Variants in DEPDC5 observed in about 807,000 individuals in gnomAD.
DEPDC5 encodes GATOR1 complex protein DEPDC5.
Under a neutral mutation model 217.3 loss-of-function variants are expected in DEPDC5, and 73 were observed. The ratio of observed to expected loss-of-function variants is 0.34; its 90% confidence interval spans 0.28 to 0.41. The LOEUF (loss-of-function observed/expected upper bound fraction) is 0.41, where lower values mean the gene tolerates loss of function less well. DEPDC5 is among the 10% of genes least tolerant of loss of function. The probability of loss-of-function intolerance (pLI) is 1.00; values close to 1 mark genes in which losing one functional copy is unlikely to be tolerated. For missense variants in DEPDC5, 1,675 were observed against 2,070.1 expected (o/e 0.81, Z 3.70); for synonymous variants, 733 against 756.7 (o/e 0.97, Z 0.51).
chr22:31,791,988 T>TA (rs756019812), intron 10 of DEPDC5, 45 bp from the exon 11 acceptor site: 14 of 1,191,390 alleles, frequency 1.2e-5, no homozygotes, highest in Non-Finnish European at 1.6e-5. Flanking sequence ...CATAGTGAAG[T>TA]AAATGAAACA....
chr22:31,823,283 A>C (rs995338793), intron 24 of DEPDC5: 1 of 154,592 alleles, frequency 6.5e-6, no homozygotes, highest in Non-Finnish European at 1.4e-5. Context: ...TAATCCTAGC[A>C]CTTTGGGAGC....
intron 8 of DEPDC5, among the ~76,000 whole-genome samples, chr22:31,782,902 A>G (rs1411866297): frequency 6.6e-6 from 1 of 152,236 alleles, no homozygotes; most frequent in Non-Finnish European, 1.5e-5. Context: ...AATGAAACAA[A>G]GAATGCTCGG....
intron 7 of DEPDC5, among the ~76,000 whole-genome samples, chr22:31,775,694 A>T (rs1188315507): frequency 6.6e-6 from 1 of 152,118 alleles, no homozygotes; most frequent in Non-Finnish European, 1.5e-5. Flanking sequence ...AGCACGCCCT[A>T]TCCTCACACT....
At position 31,901,651 on chromosome 22, in the gene DEPDC5, C is replaced by T. The variant is rs534886571; in HGVS notation, c.4376-91C>T. 2.0e-4 allele frequency: 231 copies of T among 1,149,256 alleles called. 2 individuals carry two copies. The South Asian group carries it at 2.9e-3, about 14-fold the overall frequency. 71.2% of individuals were successfully genotyped at this position (1,149,256 alleles called of 1,614,324 possible). A position where few individuals can be genotyped will look rare whatever the true frequency, so the allele number is the denominator to read the frequency against. Reference sequence around the variant, plus strand: ...AGGTTAGGCTCAAGGGGACTGATTGCCAAGAGTAGTAAAGGGTACAGAAGA... The same window carrying T: ...AGGTTAGGCTCAAGGGGACTGATTGTCAAGAGTAGTAAAGGGTACAGAAGA... On this transcript the variant is annotated intron_variant, in intron 40 of 42. Transcript: ENST00000651528.
Position 31,804,921 on chromosome 22 carries a change from T to A in DEPDC5, c.1217+6T>A. On this transcript the variant is annotated splice_donor_region_variant and intron_variant, in intron 17 of 42. Coordinates refer to ENST00000651528, the MANE Select transcript of DEPDC5 (RefSeq NM_001242896.3). The stretch of plus-strand genomic sequence containing the variant: ...CCTCACTGGATAAACCACAGGTGGG[T>A]GCGATCTCGATCAATAGTAGGTGAT... 6.2e-7 allele frequency: 1 copy of A among 1,612,592 alleles called. No individual in the cohort carries two copies. The highest frequency in any genetic ancestry group is 8.5e-7 in the Non-Finnish European group (1 of 1,179,140).
At position 31,796,267 on chromosome 22, in the gene DEPDC5, AT is replaced by A. The variant is rs563390918; in HGVS notation, c.768-1325del. The stretch of plus-strand genomic sequence containing the variant: ...AGGTGCCTGCCACCACACCCGGCTA[AT>A]TTTTTTTGTATTTTTTAGTGGAGAC... On this transcript the variant is annotated intron_variant, in intron 12 of 42. Transcript: ENST00000651528. 3.3e-5 allele frequency among the ~76,000 whole-genome samples: 5 copies of A among 151,154 alleles called. No homozygotes were observed. In the East Asian group the frequency reaches 7.8e-4, roughly 24 times the overall value.
intron 26 of DEPDC5, 140 bp downstream of exon 26, chr22:31,837,295 G>T: frequency 1.3e-6 from 1 of 776,398 alleles, no homozygotes; most frequent in Non-Finnish European, 1.9e-6. Flanking sequence ...AGATTAGCAT[G>T]GCCGTTAAAT....
chr22:31,763,894 T>C (rs2082605195), intron 4 of DEPDC5, among the ~76,000 whole-genome samples: 1 of 152,098 alleles, frequency 6.6e-6, no homozygotes, highest in Non-Finnish European at 1.5e-5. Context: ...TGTGTGGTGT[T>C]ATGTTTTTTA....
intron 29 of DEPDC5, 54 bp from the exon 30 acceptor site, chr22:31,844,964 C>G: frequency 3.2e-6 from 5 of 1,580,242 alleles, no homozygotes; most frequent in East Asian, 2.2e-5. Context: ...ACTGAGAGTG[C>G]TTTCATTATC....
In DEPDC5 at chr22:31,906,617, G is replaced by A. The variant is rs2093764133; in HGVS notation, c.*120G>A. 1.6e-6 allele frequency: 2 copies of A among 1,279,706 alleles called. No homozygotes were observed. Among genetic ancestry groups the A allele is most frequent in the African/African-American group, 1.5e-5 (1 of 67,276 alleles). The allele number at this position is 1,279,706 out of a possible 1,614,324, so 79.3% of individuals were successfully genotyped here. A position where few individuals can be genotyped will look rare whatever the true frequency, so the allele number is the denominator to read the frequency against. Reference sequence around the variant, plus strand: ...CGTTTGCTGCTATCAGTGAGTGGGGGCCATTGTTTTTTGTTTGTTTGTTTG... The same window carrying A: ...CGTTTGCTGCTATCAGTGAGTGGGGACCATTGTTTTTTGTTTGTTTGTTTG... On this transcript the variant is annotated 3_prime_UTR_variant, in exon 43 of 43. Transcript: ENST00000651528. This position sits in a 1 kb window ranked among gnomAD's most constrained non-coding sequence, Gnocchi z 5.1.
In DEPDC5 at chr22:31,879,514, A is replaced by T. The variant is rs574224113; in HGVS notation, c.3806-11A>T. 1 of 1,606,360 alleles carries T rather than the reference A, an allele frequency of 6.2e-7. No homozygotes were observed. Among genetic ancestry groups the T allele is most frequent in the Admixed American group, 1.7e-5 (1 of 59,970 alleles). On this transcript the variant is annotated splice_polypyrimidine_tract_variant and intron_variant, in intron 37 of 42. Transcript: ENST00000651528. ...GTTGAGTACTCCTTCTCTCCCCTCC[A>T]CTTTTCCCAGTGGCCATGCAGCAGC... is the stretch of plus-strand genomic sequence containing the variant.
At chr22:31,813,131 A>G (rs1174176851) in intron 20 of DEPDC5, among the ~76,000 whole-genome samples, 1 of 152,080 alleles carries the variant, frequency 6.6e-6, no homozygotes, top group Non-Finnish European at 1.5e-5. Flanking sequence ...TGACCACATG[A>G]TTGTTTTCTG....
intron 38 of DEPDC5, among the ~76,000 whole-genome samples, chr22:31,885,818 G>A (rs1273494749): frequency 3.3e-5 from 5 of 150,032 alleles, no homozygotes; most frequent in African/African-American, 7.4e-5. Context: ...GGTGGATCAC[G>A]AGGTCAGGAA....
Position 31,837,610 on chromosome 22 carries a change from G to A in DEPDC5, c.2354+455G>A, listed in dbSNP as rs114527548. On this transcript the variant is annotated intron_variant, in intron 26 of 42. Coordinates refer to ENST00000651528, the MANE Select transcript of DEPDC5 (RefSeq NM_001242896.3). ...CTCAAGTCATCTGCCCATCTGTTGC[G>A]TCCCAAAGTGCTGGGATTACTACCT... 3.1e-3 allele frequency among the ~76,000 whole-genome samples: 466 copies of A among 152,176 alleles called. 4 individuals carry two copies. Among genetic ancestry groups the A allele is most frequent in the African/African-American group, 0.011 (450 of 41,530 alleles).
intron 7 of DEPDC5, among the ~76,000 whole-genome samples, chr22:31,772,577 T>C (rs141852752): frequency 0.014 from 2,086 of 152,260 alleles, 16 homozygotes; most frequent in Middle Eastern, 0.031. Context: ...TAGCAATAGA[T>C]CTCAGGTCTA....
intron 2 of DEPDC5, among the ~76,000 whole-genome samples, chr22:31,756,939 T>G (rs1484445333): frequency 7.0e-6 from 1 of 143,538 alleles, no homozygotes; most frequent in Non-Finnish European, 1.5e-5. Flanking sequence ...TAAAAAATAA[T>G]AAAAAAAAAA....
chr22:31,821,650 A>G lies in DEPDC5; in HGVS notation c.2006+13A>G. 2 of 1,609,946 alleles carry G rather than the reference A, an allele frequency of 1.2e-6. No homozygotes were observed. Among genetic ancestry groups the G allele is most frequent in the South Asian group, 1.1e-5 (1 of 91,038 alleles). On this transcript the variant is annotated intron_variant, in intron 23 of 42. Coordinates refer to ENST00000651528, the MANE Select transcript of DEPDC5 (RefSeq NM_001242896.3). ...AAGCTGCTGGAAGGTGAGGATGTGC[A>G]CAGGGCTCTGGAAGGTAACCTGAGA...
Position 31,847,412 on chromosome 22 carries a change from A to T in DEPDC5, c.3155+445A>T, listed in dbSNP as rs140513000. 2.4e-4 allele frequency among the ~76,000 whole-genome samples: 36 copies of T among 152,260 alleles called. No individual in the cohort carries two copies. In the East Asian group the frequency reaches 6.6e-3, roughly 28 times the overall value. ...GTCCATTCTCACACTGCTAATAAAG[A>T]CATACCTGGGACTGAGTAATTTATG... On this transcript the variant is annotated intron_variant, in intron 31 of 42. Transcript: ENST00000651528.
intron 24 of DEPDC5, among the ~76,000 whole-genome samples, chr22:31,824,982 A>C (rs1422655073): frequency 3.3e-5 from 5 of 151,894 alleles, no homozygotes; most frequent in Non-Finnish European, 7.4e-5. Flanking sequence ...TCTCAAAAAA[A>C]AAAAAAAAAA....
Sources: gnomAD v4.1 joint callset for allele counts (sites outside exome capture counted in the v4.1 genomes callset) on GRCh38, gnomAD v4.1.1 for gene constraint, Gnocchi (gnomAD v3.1) non-coding constraint, MANE v1.5 for transcripts, NCBI Gene and HGNC (gene_info 2026-07-23, HGNC 2026-07-21) for gene names.